ABTB3: variants seen among roughly 807,000 people sequenced by gnomAD.
ABTB3 encodes the protein ankyrin repeat and BTB domain containing 3.
At chr12:107,481,633 T>G in the ABTB3 span, among the ~76,000 whole-genome samples, 1 of 152,124 alleles carries the variant, frequency 6.6e-6, no homozygotes, top group South Asian at 2.1e-4. Flanking sequence ...ATGAGGACTC[T>G]TCCAGCAAGT....
At chr12:107,354,628 G>C in the ABTB3 span, among the ~76,000 whole-genome samples, 1 of 152,176 alleles carries the variant, frequency 6.6e-6, no homozygotes, top group Non-Finnish European at 1.5e-5. Context: ...GATGTACCAT[G>C]TTTTGTTTAT....
At chr12:107,369,683 G>A in the ABTB3 span, among the ~76,000 whole-genome samples, 1 of 141,832 alleles carries the variant, frequency 7.1e-6, no homozygotes, top group Non-Finnish European at 1.5e-5. Context: ...ACAGGCATGA[G>A]CCACCATACC....
chr12:107,625,466 G>C, the ABTB3 span, among the ~76,000 whole-genome samples: 2 of 152,148 alleles, frequency 1.3e-5, no homozygotes, highest in Non-Finnish European at 2.9e-5. Flanking sequence ...CTCTGACAGG[G>C]GAAGAGTGGC....
the ABTB3 span, among the ~76,000 whole-genome samples, chr12:107,624,839 G>T: frequency 9.2e-5 from 14 of 152,286 alleles, no homozygotes; most frequent in African/African-American, 3.1e-4. Flanking sequence ...TTTCTCTGGT[G>T]TAAATGCCTG....
the ABTB3 span, among the ~76,000 whole-genome samples, chr12:107,331,925 G>A: frequency 6.6e-6 from 1 of 152,208 alleles, no homozygotes; most frequent in African/African-American, 2.4e-5. Flanking sequence ...TCCGCTGGCT[G>A]CTCTCGCTGA....
chr12:107,325,982 T>A, the ABTB3 span, among the ~76,000 whole-genome samples: 1 of 152,342 alleles, frequency 6.6e-6, no homozygotes, highest in South Asian at 2.1e-4. Context: ...CTCAGCTCAC[T>A]GCAACCTCCA....
chr12:107,379,370 G>A, the ABTB3 span, among the ~76,000 whole-genome samples: 1 of 152,078 alleles, frequency 6.6e-6, no homozygotes, highest in Admixed American at 6.6e-5. Context: ...GAATCATGGG[G>A]GTGGGTTTTT....
At chr12:107,590,088 T>C in the ABTB3 span, among the ~76,000 whole-genome samples, 469 of 152,262 alleles carry the variant, frequency 3.1e-3, 1 homozygote, top group African/African-American at 0.011. Context: ...TCTTGTATTT[T>C]TTTTTAGTAG....
chr12:107,404,162 C>CAAAAAA, the ABTB3 span, among the ~76,000 whole-genome samples: 65 of 40,128 alleles, frequency 1.6e-3, no homozygotes, highest in Middle Eastern at 0.031. Context: ...GACTCTAACT[C>CAAAAAA]AAAAAAAAAA....
the ABTB3 span, chr12:107,610,210 C>T: frequency 1.9e-6 from 3 of 1,614,110 alleles, no homozygotes; most frequent in Non-Finnish European, 1.7e-6. Context: ...TGCTTTTGTG[C>T]ATCTCGAAAG....
the ABTB3 span, among the ~76,000 whole-genome samples, chr12:107,397,186 G>A: frequency 6.6e-6 from 1 of 152,216 alleles, no homozygotes; most frequent in Non-Finnish European, 1.5e-5. Flanking sequence ...TGACTGGCTA[G>A]TGTTGGCCTG....
chr12:107,455,219 C>A, the ABTB3 span, among the ~76,000 whole-genome samples: 2 of 152,196 alleles, frequency 1.3e-5, no homozygotes, highest in African/African-American at 4.8e-5. Flanking sequence ...TGGCATGGTG[C>A]CACATTGGTG....
At chr12:107,595,949 G>A in the ABTB3 span, among the ~76,000 whole-genome samples, 16 of 151,480 alleles carry the variant, frequency 1.1e-4, no homozygotes, top group Admixed American at 2.6e-4. Flanking sequence ...GTATATATAC[G>A]TATATTCACT....
At chr12:107,384,558 G>A in the ABTB3 span, among the ~76,000 whole-genome samples, 6 of 152,232 alleles carry the variant, frequency 3.9e-5, no homozygotes, top group South Asian at 1.2e-3. Context: ...TGTCTTTGGG[G>A]TTAACTCAGG....
At chr12:107,333,600 G>T in the ABTB3 span, among the ~76,000 whole-genome samples, 1 of 152,192 alleles carries the variant, frequency 6.6e-6, no homozygotes, top group Non-Finnish European at 1.5e-5. Flanking sequence ...GAGGCTCAAA[G>T]GAATCCTCAG....
the ABTB3 span, among the ~76,000 whole-genome samples, chr12:107,327,247 T>G: frequency 6.6e-6 from 1 of 152,328 alleles, no homozygotes; most frequent in East Asian, 1.9e-4. Context: ...TTCCTAGACT[T>G]AATTCTGAAG....
At chr12:107,469,914 CTTTCTT>C in the ABTB3 span, among the ~76,000 whole-genome samples, 41 of 106,150 alleles carry the variant, frequency 3.9e-4, 3 homozygotes, top group African/African-American at 1.2e-3. Flanking sequence ...TTCTTTCTTT[CTTTCTT>C]TCTCTCTCTC....
chr12:107,482,972 CTTTCTTTCT>C, the ABTB3 span, among the ~76,000 whole-genome samples: 40 of 59,154 alleles, frequency 6.8e-4, no homozygotes, highest in African/African-American at 2.5e-3. Flanking sequence ...TTCTTTCTTT[CTTTCTTTCT>C]TTCTTTCCTT....
At chr12:107,365,461 C>G in the ABTB3 span, among the ~76,000 whole-genome samples, 2 of 152,150 alleles carry the variant, frequency 1.3e-5, no homozygotes, top group African/African-American at 4.8e-5. Flanking sequence ...CTATCAACTT[C>G]ATAATGATGT....
Sources: allele counts gnomAD v4.1 joint callset (sites outside exome capture counted in the v4.1 genomes callset), GRCh38; gene constraint gnomAD v4.1.1; transcripts MANE v1.5; gene names NCBI Gene and HGNC (gene_info 2026-07-23, HGNC 2026-07-21).